Variants in CC2D2B observed in about 807,000 individuals in gnomAD.
CC2D2B encodes coiled-coil and C2 domain containing 2B, also known as protein CC2D2B.
CC2D2B carries 128 observed loss-of-function variants against 161.2 expected under a neutral mutation model. That is an observed-to-expected ratio of 0.79 (90% CI 0.69 to 0.92). CC2D2B has a LOEUF of 0.92. CC2D2B is among the 40% of genes least tolerant of loss of function. The pLI is 0.00. For synonymous variants in CC2D2B, 391 were observed against 449.8 expected (o/e 0.87, Z 1.65); for missense variants, 1,173 against 1,375.1 (o/e 0.85, Z 2.32).
chr10:96,032,939 A>G lies in CC2D2B; in HGVS notation c.*931A>G, dbSNP rs751900699. Reference sequence around the variant, plus strand: ...CTAGATCCTAAGAGCCCCTCAAGAAAGACTGGACAGGGGTCTAAGTAGGAA... The same window carrying G: ...CTAGATCCTAAGAGCCCCTCAAGAAGGACTGGACAGGGGTCTAAGTAGGAA... On this transcript the variant is annotated 3_prime_UTR_variant, in exon 35 of 35. Transcript: ENST00000646931. Among the ~76,000 whole-genome samples the G allele has an allele frequency of 3.9e-5, 6 of 152,198 alleles. No individual in the cohort carries two copies. The highest frequency in any genetic ancestry group is 7.4e-5 in the Non-Finnish European group (5 of 68,020).
At chr10:96,020,850 G>T (rs2095591) in intron 32 of CC2D2B, 92,779 of 152,068 alleles carry the variant, frequency 0.61, 28,502 homozygotes, top group East Asian at 0.83. Flanking sequence ...CTGGGCAGCA[G>T]AGCAAGACCC....
chr10:95,993,952 GTATATATATATATATATATATA>G (rs1169560460), intron 22 of CC2D2B, among the ~76,000 whole-genome samples: 145 of 18,166 alleles, frequency 8.0e-3, no homozygotes, highest in African/African-American at 0.015. Context: ...GTATGTATGT[GTATATATATATATATATATATA>G]TATATATATA....
chr10:95,953,096 T>G (rs557468165), intron 10 of CC2D2B, among the ~76,000 whole-genome samples: 6 of 152,212 alleles, frequency 3.9e-5, no homozygotes, highest in Non-Finnish European at 8.8e-5. Flanking sequence ...AGAATATATA[T>G]ATTTTTCTAG....
At chr10:96,024,263 G>GTA (rs1476043621) in intron 32 of CC2D2B, among the ~76,000 whole-genome samples, 2 of 152,162 alleles carry the variant, frequency 1.3e-5, no homozygotes, top group East Asian at 3.8e-4. Context: ...GTGTGTGTGT[G>GTA]TGTGTGTATG....
chr10:95,983,921 A>C (rs1475128713), intron 19 of CC2D2B, 112 bp downstream of exon 19: 1 of 472,126 alleles, frequency 2.1e-6, no homozygotes, highest in Non-Finnish European at 3.4e-6. Context: ...CTGTAGACAG[A>C]TTTCCTCCCT....
intron 18 of CC2D2B, among the ~76,000 whole-genome samples, 161 bp downstream of exon 18, chr10:95,982,274 T>C (rs1162917539): frequency 6.6e-6 from 1 of 152,200 alleles, no homozygotes; most frequent in Non-Finnish European, 1.5e-5. Context: ...CAGTGTACAA[T>C]ACTGTAAAGA....
Position 95,938,049 on chromosome 10 carries a change from T to C in CC2D2B, c.395T>C (p.Val132Ala), listed in dbSNP as rs760577816. The part of the protein sequence containing the change: ...CFSLGVNLQN[V>A]AESEEEEFMK... Reference sequence around the variant, plus strand: ...TCACTTGGTGTTAATTTACAAAATGTTGCTGAGAGTGAAGAGGAAGAGTTT... The same window carrying C: ...TCACTTGGTGTTAATTTACAAAATGCTGCTGAGAGTGAAGAGGAAGAGTTT... Residue 132 changes from valine to alanine, a missense_variant, in exon 7 of 35, where the codon GTT becomes GCT. Transcript: ENST00000646931. The C allele has an allele frequency of 6.4e-7, 1 of 1,551,146 alleles. No homozygotes were observed. Among genetic ancestry groups the C allele is most frequent in the South Asian group, 1.2e-5 (1 of 84,040 alleles).
intron 9 of CC2D2B, among the ~76,000 whole-genome samples, chr10:95,947,113 ATTTTTT>A (rs753866384): frequency 3.3e-4 from 16 of 48,372 alleles, no homozygotes; most frequent in East Asian, 5.9e-4. Context: ...ATATATATAT[ATTTTTT>A]TTTTTTTTTT....
chr10:96,030,856 T>C (rs2141994917), intron 34 of CC2D2B, among the ~76,000 whole-genome samples: 1 of 152,292 alleles, frequency 6.6e-6, no homozygotes, highest in East Asian at 1.9e-4. Flanking sequence ...TAGTAATACA[T>C]AGTCTACAAT....
chr10:95,989,017 C>G (rs1020431768), intron 20 of CC2D2B, among the ~76,000 whole-genome samples: 1 of 152,210 alleles, frequency 6.6e-6, no homozygotes, highest in African/African-American at 2.4e-5. Context: ...GTTTCTACAA[C>G]TCCTACAAAA....
chr10:96,024,737 G>A, intron 32 of CC2D2B, 116 bp from the exon 33 acceptor site: 2 of 545,400 alleles, frequency 3.7e-6, no homozygotes, highest in Non-Finnish European at 6.7e-6. Context: ...GGAATTGAGT[G>A]TTTTTGCCAC....
intron 20 of CC2D2B, 77 bp from the exon 21 acceptor site, chr10:95,991,293 G>A: frequency 2.4e-6 from 1 of 410,724 alleles, no homozygotes. Flanking sequence ...AAAATATACT[G>A]GCACCGGTAG....
intron 28 of CC2D2B, 52 bp from the exon 29 acceptor site, chr10:96,013,735 TG>T: frequency 9.5e-7 from 1 of 1,055,546 alleles, no homozygotes; most frequent in South Asian, 1.3e-5. Flanking sequence ...TAAAGCATTG[TG>T]CTAAGTGATG....
At chr10:95,927,146 C>A (rs2141198964) in intron 5 of CC2D2B, 91 bp from the exon 6 acceptor site, 2 of 680,046 alleles carry the variant, frequency 2.9e-6, no homozygotes, top group Admixed American at 5.6e-5. Context: ...AGAGAGATAA[C>A]AATTATGTTT....
chr10:96,000,818 T>C (rs1171195658), intron 24 of CC2D2B: 1 of 152,324 alleles, frequency 6.6e-6, no homozygotes, highest in East Asian at 1.9e-4. Flanking sequence ...TACCAGTCCT[T>C]TCCTTTATGG....
chr10:96,008,979 T>C (rs1391159538), intron 25 of CC2D2B, among the ~76,000 whole-genome samples: 1 of 152,112 alleles, frequency 6.6e-6, no homozygotes. Flanking sequence ...ATGTTAGATA[T>C]ATATTACATA....
rs1490763303 is a variant in CC2D2B, at chr10:96,027,368, A to G, written c.4104A>G (p.Glu1368=). 1.3e-6 allele frequency: 2 copies of G among 1,547,518 alleles called. No individual in the cohort carries two copies. The highest frequency in any genetic ancestry group is 1.7e-6 in the Non-Finnish European group (2 of 1,145,336). The change falls in exon 34 of 35, where the codon GAA becomes GAG. Residue 1368 remains glutamate (E), a synonymous_variant. Coordinates refer to ENST00000646931, the MANE Select transcript of CC2D2B (RefSeq NM_001349008.3). Reference sequence around the variant, plus strand: ...CATCTGAAGGAGATAATGAATTTGAAAGAATACTACAATTTTATTGGGTTT... The same window carrying G: ...CATCTGAAGGAGATAATGAATTTGAGAGAATACTACAATTTTATTGGGTTT... ...FVSSEGDNEF[E]RILQFYWVTG... is the part of the protein sequence containing the mutation.
Position 96,012,647 on chromosome 10 carries a change from T to C in CC2D2B, c.3344T>C (p.Phe1115Ser). The change falls in exon 28 of 35, where the codon TTC (phenylalanine) becomes TCC (serine). Residue 1115 changes from phenylalanine (F) to serine (S), a missense_variant. By Grantham distance (155) the Phe-to-Ser change is radical. Around this residue, in one of 3 missense-constraint regions of CC2D2B, gnomAD observed 598 missense variants for 693.2 expected, o/e 0.86. Transcript: ENST00000646931. ...GTTTTTAATGATGAAGGGATACAGT[T>C]CTTAGTCACAAGATATATCAAGGCA... ...TTVFNDEGIQFLVTRYIKALN... is the reference protein window; with the variant it reads ...TTVFNDEGIQSLVTRYIKALN... 6.2e-7 allele frequency: 1 copy of C among 1,611,196 alleles called. No individual in the cohort carries two copies. The highest frequency in any genetic ancestry group is 8.5e-7 in the Non-Finnish European group (1 of 1,177,432).
intron 34 of CC2D2B, among the ~76,000 whole-genome samples, chr10:96,029,286 G>T (rs56161531): frequency 4.2e-5 from 3 of 70,632 alleles, no homozygotes; most frequent in Admixed American, 2.0e-4. Flanking sequence ...ATATATATAT[G>T]TATATATATA....
Sources: gnomAD v4.1 joint callset for allele counts (sites outside exome capture counted in the v4.1 genomes callset) on GRCh38, gnomAD v4.1.1 for gene constraint, gnomAD v4.1.1 regional missense constraint, MANE v1.5 for transcripts, NCBI Gene and HGNC (gene_info 2026-07-23, HGNC 2026-07-21) for gene names.